The following LIMS1 variants were observed in gnomAD, a reference collection of about 807,000 sequenced individuals.
LIMS1 encodes LIM and senescent cell antigen-like-containing domain protein 1.
Under a neutral mutation model 44.1 loss-of-function variants are expected in LIMS1, and 18 were observed. That is an observed-to-expected ratio of 0.41 (90% CI 0.28 to 0.61). The LOEUF is 0.61. LIMS1 is among the 20% of genes least tolerant of loss of function. LIMS1 has a pLI of 0.32. For synonymous variants in LIMS1, 93 were observed against 149.1 expected (o/e 0.62, Z 2.74); for missense variants, 201 against 422.0 (o/e 0.48, Z 4.59).
At chr2:108,542,613 C>G (rs1188006779) in intron 1 of LIMS1, among the ~76,000 whole-genome samples, 4 of 152,204 alleles carry the variant, frequency 2.6e-5, no homozygotes, top group African/African-American at 9.6e-5. Flanking sequence ...TCCAGACAAC[C>G]TATCCAGTTT....
chr2:108,617,265 T>C (rs1687977860), intron 1 of LIMS1, among the ~76,000 whole-genome samples: 1 of 152,238 alleles, frequency 6.6e-6, no homozygotes, highest in Non-Finnish European at 1.5e-5. Context: ...AAGGGGTTAA[T>C]TGCAACAGGA....
At chr2:108,534,618 C>A in intron 1 of LIMS1, 24 bp downstream of exon 1, 2 of 1,111,654 alleles carry the variant, frequency 1.8e-6, no homozygotes, top group East Asian at 4.9e-5. Flanking sequence ...CGCGCGGCCC[C>A]CGCCACGTCC....
chr2:108,646,996 C>T (rs1416045555), intron 1 of LIMS1, among the ~76,000 whole-genome samples: 2 of 152,098 alleles, frequency 1.3e-5, no homozygotes, highest in South Asian at 2.1e-4. Flanking sequence ...GCTGGGATTA[C>T]AGGCATGAGT....
chr2:108,600,099 G>T (rs1686926538), intron 1 of LIMS1, among the ~76,000 whole-genome samples: 1 of 150,926 alleles, frequency 6.6e-6, no homozygotes. Flanking sequence ...GCCAAGGCTG[G>T]AGTGCTGTGA....
At chr2:108,596,915 G>GT (rs34313967) in intron 1 of LIMS1, among the ~76,000 whole-genome samples, 1,041 of 68,432 alleles carry the variant, frequency 0.015, 50 homozygotes, top group African/African-American at 0.028. Context: ...CGAAACATCT[G>GT]TTTTTTTTTT....
chr2:108,591,506 C>T (rs1008549655), intron 1 of LIMS1, among the ~76,000 whole-genome samples: 2 of 152,162 alleles, frequency 1.3e-5, no homozygotes, highest in African/African-American at 4.8e-5. Flanking sequence ...GTCACCCAGG[C>T]TACAGTACAG....
At chr2:108,622,951 C>T (rs826686) in intron 1 of LIMS1, among the ~76,000 whole-genome samples, 124,814 of 150,380 alleles carry the variant, frequency 0.83, 52,173 homozygotes, top group East Asian at 0.99. Flanking sequence ...TACATAGTTA[C>T]AATGCTCTTT....
intron 1 of LIMS1, among the ~76,000 whole-genome samples, chr2:108,581,318 C>G (rs947250723): frequency 5.3e-5 from 8 of 152,184 alleles, no homozygotes; most frequent in Admixed American, 5.2e-4. Context: ...GACTAAGTGA[C>G]TAGGGGCTTT....
chr2:108,673,420 C>T (rs796118061), intron 5 of LIMS1: 15 of 285,180 alleles, frequency 5.3e-5, no homozygotes, highest in African/African-American at 3.2e-4. Flanking sequence ...GTCTCTCTCG[C>T]TCTATTGCCC....
At chr2:108,622,973 ATT>A (rs68115708) in intron 1 of LIMS1, among the ~76,000 whole-genome samples, 6,338 of 123,156 alleles carry the variant, frequency 0.051, 130 homozygotes, top group African/African-American at 0.082. Context: ...AAACAACTAG[ATT>A]TTTTTTTTTT....
At chr2:108,678,382 C>G in intron 8 of LIMS1, 1 of 338,690 alleles carries the variant, frequency 3.0e-6, no homozygotes, top group Non-Finnish European at 5.4e-6. Context: ...GGAAGAGGCA[C>G]TTTAACCTGC....
chr2:108,616,823 T>A (rs1450600489), intron 1 of LIMS1, among the ~76,000 whole-genome samples: 1 of 152,196 alleles, frequency 6.6e-6, no homozygotes, highest in Non-Finnish European at 1.5e-5. Flanking sequence ...TAGAGCAGTC[T>A]TGAGAGGCCT....
chr2:108,671,108 T>C (rs1052936673), intron 3 of LIMS1: 133 of 459,336 alleles, frequency 2.9e-4, no homozygotes, highest in Non-Finnish European at 4.4e-4. Context: ...GGGGCAGAGG[T>C]TGCAGTGAGC....
intron 1 of LIMS1, among the ~76,000 whole-genome samples, chr2:108,552,211 TATAATAC>T (rs960538132): frequency 2.8e-5 from 4 of 144,200 alleles, no homozygotes; most frequent in African/African-American, 5.0e-5. Context: ...ATATACAATA[TATAATAC>T]ATAATACATT....
intron 1 of LIMS1, among the ~76,000 whole-genome samples, chr2:108,612,948 G>C (rs1002013114): frequency 7.9e-5 from 12 of 152,156 alleles, no homozygotes; most frequent in Admixed American, 1.3e-4. Context: ...GTCTGTGGGG[G>C]AGAATGTTTT....
chr2:108,594,195 C>G (rs1207753355), intron 1 of LIMS1, among the ~76,000 whole-genome samples: 3 of 152,116 alleles, frequency 2.0e-5, no homozygotes, highest in Non-Finnish European at 4.4e-5. Context: ...GAAGGGGTAG[C>G]TTTTGCTTAG....
intron 1 of LIMS1, among the ~76,000 whole-genome samples, chr2:108,542,097 T>C (rs933344903): frequency 6.6e-6 from 1 of 152,238 alleles, no homozygotes; most frequent in Non-Finnish European, 1.5e-5. Flanking sequence ...AGTTCAGGGC[T>C]AGCTCTGTTT....
At chr2:108,629,038 G>A (rs528623766) in intron 1 of LIMS1, among the ~76,000 whole-genome samples, 94 of 152,336 alleles carry the variant, frequency 6.2e-4, no homozygotes, top group African/African-American at 2.2e-3. Flanking sequence ...CAACAGAAAC[G>A]TATTGCCATC....
At chr2:108,588,601 A>G (rs1686215802) in intron 1 of LIMS1, 2 of 985,428 alleles carry the variant, frequency 2.0e-6, no homozygotes, top group Non-Finnish European at 1.2e-6. Context: ...AGAAATGGAC[A>G]TGATTGCCTA....
Sources: allele counts gnomAD v4.1 joint callset (sites outside exome capture counted in the v4.1 genomes callset), GRCh38; gene constraint gnomAD v4.1.1; transcripts MANE v1.5; gene names NCBI Gene and HGNC (gene_info 2026-07-23, HGNC 2026-07-21).